NCALD: variants seen among roughly 807,000 people sequenced by gnomAD.
NCALD encodes the protein neurocalcin-delta.
NCALD carries 10 observed loss-of-function variants against 18.6 expected under a neutral mutation model. That is an observed-to-expected ratio of 0.54 (90% CI 0.33 to 0.91). NCALD has a LOEUF of 0.91. Ranked by LOEUF, NCALD falls within the 40% of genes least tolerant of loss-of-function variation. The pLI, the probability that NCALD is intolerant of heterozygous loss-of-function variation, is 0.03. For missense variants in NCALD, 184 were observed against 247.6 expected, an observed-to-expected ratio of 0.74 and a Z score of 1.72; for synonymous variants, 88 against 87.4, an observed-to-expected ratio of 1.01 and a Z score of -0.04.
At chr8:102,117,303 T>A (rs1825818106) in intron 1 of NCALD, among the ~76,000 whole-genome samples, 1 of 152,208 alleles carries the variant, frequency 6.6e-6, no homozygotes, top group South Asian at 2.1e-4. Flanking sequence ...AAGCAGCCCA[T>A]TCCGTGTTCA....
chr8:102,029,904 C>G (rs1331624229), intron 1 of NCALD, among the ~76,000 whole-genome samples: 1 of 152,128 alleles, frequency 6.6e-6, no homozygotes, highest in African/African-American at 2.4e-5. Flanking sequence ...ATTTATAGAT[C>G]TTTACTGGGT....
intron 4 of NCALD, among the ~76,000 whole-genome samples, chr8:101,823,002 G>T (rs535737735): frequency 3.6e-4 from 55 of 152,264 alleles, no homozygotes; most frequent in African/African-American, 1.3e-3. Flanking sequence ...CCTTTCTGAT[G>T]ATCAGAATCA....
chr8:101,698,481 G>A (rs36060688), intron 2 of NCALD, among the ~76,000 whole-genome samples: 6 of 151,970 alleles, frequency 3.9e-5, no homozygotes, highest in African/African-American at 1.2e-4. Context: ...CAAGACAATC[G>A]TAAGCAAAAA....
rs371234911 is a variant in NCALD at position 101,986,163 on chromosome 8, TG to T, written c.-157+34073del. The stretch of plus-strand genomic sequence containing the variant: ...CTCCTGCCTCAGCCTCCTGAGTAGC[TG>T]GGATTACAGGCAGGTGCCACCATGC... On this transcript the variant is annotated intron_variant, in intron 2 of 6. Transcript: ENST00000311028. Among the ~76,000 whole-genome samples, 896 of 152,192 alleles carry T rather than the reference TG, an allele frequency of 5.9e-3. 8 individuals are homozygous for T. Among genetic ancestry groups the T allele is most frequent in the African/African-American group, 0.021 (862 of 41,518 alleles).
At chr8:101,905,270 T>A (rs1478347353) in intron 3 of NCALD, among the ~76,000 whole-genome samples, 1 of 147,172 alleles carries the variant, frequency 6.8e-6, no homozygotes, top group Non-Finnish European at 1.5e-5. Context: ...CCAATCTCTC[T>A]CCTCTCCTCT....
chr8:101,750,895 T>G (rs1360163785), intron 1 of NCALD, among the ~76,000 whole-genome samples: 3 of 152,296 alleles, frequency 2.0e-5, no homozygotes, highest in East Asian at 3.9e-4. Flanking sequence ...ATGACATGCC[T>G]TCTGCAGAGT....
intron 1 of NCALD, among the ~76,000 whole-genome samples, chr8:102,029,384 C>T (rs565500063): frequency 6.6e-6 from 1 of 152,184 alleles, no homozygotes; most frequent in South Asian, 2.1e-4. Flanking sequence ...AGACTGAAAG[C>T]CAGAGAATCA....
chr8:101,984,539 C>G (rs532470840), intron 2 of NCALD, among the ~76,000 whole-genome samples: 2 of 152,298 alleles, frequency 1.3e-5, no homozygotes, highest in East Asian at 3.9e-4. Context: ...AAACAACTCT[C>G]AGAAACTTAG....
chr8:101,927,331 G>T (rs1019098004), intron 2 of NCALD, among the ~76,000 whole-genome samples: 1 of 152,204 alleles, frequency 6.6e-6, no homozygotes, highest in Admixed American at 6.5e-5. Context: ...AGTCTAGATG[G>T]GGGGACGGAT....
At position 102,027,563 on chromosome 8, in the gene NCALD, T is replaced by C. The variant is rs1181368113; in HGVS notation, c.-209-7274A>G. Among the ~76,000 whole-genome samples, 4 of 152,236 alleles carry C rather than the reference T, an allele frequency of 2.6e-5. No homozygotes were observed. In the East Asian group the frequency reaches 7.7e-4, roughly 29 times the overall value. The stretch of plus-strand genomic sequence containing the variant: ...CTAGGAAGTTTCAAACTTCCATATC[T>C]TCCTATCTTCTGAGCCCTCCAAACT... On this transcript the variant is annotated intron_variant, in intron 1 of 6. Coordinates refer to the NCALD transcript ENST00000311028.
intron 2 of NCALD, among the ~76,000 whole-genome samples, chr8:101,960,726 G>A (rs533670581): frequency 6.6e-6 from 1 of 152,192 alleles, no homozygotes; most frequent in South Asian, 2.1e-4. Context: ...CCCTCCATAG[G>A]CTTTCCACTC....
chr8:102,082,831 G>A (rs959893850), intron 1 of NCALD, among the ~76,000 whole-genome samples: 10 of 152,168 alleles, frequency 6.6e-5, no homozygotes, highest in South Asian at 2.1e-4. Context: ...ACTGTAATGG[G>A]GCTGCAAATT....
intron 4 of NCALD, chr8:101,872,241 A>G: frequency 1.4e-6 from 2 of 1,430,358 alleles, no homozygotes; most frequent in East Asian, 4.6e-5. Flanking sequence ...TAACTTCTTG[A>G]ACATAATACT....
intron 2 of NCALD, among the ~76,000 whole-genome samples, chr8:101,999,840 G>T (rs924147289): frequency 6.6e-6 from 1 of 152,014 alleles, no homozygotes; most frequent in Non-Finnish European, 1.5e-5. Flanking sequence ...AGTTCCTAGA[G>T]TTTGATTCAC....
intron 1 of NCALD, among the ~76,000 whole-genome samples, chr8:101,767,874 G>T (rs568571444): frequency 6.6e-6 from 1 of 152,314 alleles, no homozygotes; most frequent in African/African-American, 2.4e-5. Flanking sequence ...CCTGGTGTTT[G>T]TTCTCTGCAG....
intron 1 of NCALD, among the ~76,000 whole-genome samples, chr8:101,757,706 T>C (rs1286878539): frequency 6.6e-6 from 1 of 152,150 alleles, no homozygotes; most frequent in African/African-American, 2.4e-5. Flanking sequence ...TTTATTATAG[T>C]GTTTCCCCTT....
At chr8:102,065,702 G>C (rs1587006904) in intron 1 of NCALD, among the ~76,000 whole-genome samples, 2 of 152,218 alleles carry the variant, frequency 1.3e-5, no homozygotes, top group South Asian at 4.2e-4. Context: ...TTTTACTCTG[G>C]GCAAGGTGGT....
rs1340480199 is a variant in NCALD, at chr8:102,107,235, TATATAC to T, written c.-210+16996_-210+17001del. 8.6e-3 allele frequency among the ~76,000 whole-genome samples: 977 copies of T among 113,560 alleles called. 3 individuals carry two copies. Among genetic ancestry groups the T allele is most frequent in the Non-Finnish European group, 0.011 (590 of 52,722 alleles). 74.5% of individuals were successfully genotyped at this position (113,560 alleles called of 152,430 possible). A position where few individuals can be genotyped will look rare whatever the true frequency, so the allele number is the denominator to read the frequency against. ...ATATATATATATATATATATATATATATATACACATAGAAATATTCTTCAAATCTGT... is the reference window on the plus strand; with the variant it reads ...ATATATATATATATATATATATATATACATAGAAATATTCTTCAAATCTGT... On this transcript the variant is annotated intron_variant, in intron 1 of 6. Transcript: ENST00000311028.
intron 4 of NCALD, among the ~76,000 whole-genome samples, chr8:101,802,188 T>A (rs1812895245): frequency 6.6e-6 from 1 of 152,126 alleles, no homozygotes; most frequent in Admixed American, 6.5e-5. Flanking sequence ...TAATCAGTAA[T>A]CTTTGACGTT....
Sources: gnomAD v4.1 joint callset for allele counts (sites outside exome capture counted in the v4.1 genomes callset) on GRCh38, gnomAD v4.1.1 for gene constraint, MANE v1.5 for transcripts, NCBI Gene and HGNC (gene_info 2026-07-23, HGNC 2026-07-21) for gene names.